Variants in EGLN1 observed in about 807,000 individuals in gnomAD.
EGLN1 encodes the protein egl nine homolog 1.
Under a neutral mutation model 38.3 loss-of-function variants are expected in EGLN1, and 17 were observed. The observed-to-expected ratio is 0.44, with a 90% CI of 0.30 to 0.67. EGLN1 has a LOEUF of 0.67. Among genes scored for constraint, EGLN1 ranks in the 30% least tolerant of loss-of-function variants. EGLN1 has a pLI of 0.08. For missense variants in EGLN1, 477 were observed against 603.3 expected, an observed-to-expected ratio of 0.79 and a Z score of 2.19; for synonymous variants, 283 against 257.5, an observed-to-expected ratio of 1.10 and a Z score of -0.95.
chr1:231,415,206 G>A (rs1689047628), intron 1 of EGLN1, among the ~76,000 whole-genome samples: 1 of 151,720 alleles, frequency 6.6e-6, no homozygotes, highest in Non-Finnish European at 1.5e-5. Context: ...CCAGGAGCTG[G>A]AGGCTGCAGT....
intron 4 of EGLN1, 137 bp from the exon 5 acceptor site, chr1:231,366,612 G>T: frequency 1.1e-6 from 1 of 893,370 alleles, no homozygotes; most frequent in South Asian, 1.5e-5. Flanking sequence ...TATCACGCTT[G>T]TACTTCCAAA....
chr1:231,378,446 T>C lies in EGLN1; in HGVS notation c.892-4347A>G, dbSNP rs148952661. The stretch of plus-strand genomic sequence containing the variant: ...TTTTTTCTTTTCTGATATGAAAATA[T>C]ATATGATTAAGGATGTTCTTTTTTA... On this transcript the variant is annotated intron_variant, in intron 1 of 4. Coordinates refer to ENST00000366641, the MANE Select transcript of EGLN1 (RefSeq NM_022051.3). Among the ~76,000 whole-genome samples the C allele has an allele frequency of 2.5e-3, 383 of 152,202 alleles. 3 individuals are homozygous for C. The highest frequency in any genetic ancestry group is 8.9e-3 in the African/African-American group (370 of 41,512).
rs75764505 is a variant in EGLN1 at position 231,418,275 on chromosome 1, T to A, written c.891+2723A>T. On this transcript the variant is annotated intron_variant, in intron 1 of 4. Transcript: ENST00000366641. ...CATTGTACAGTCACCTAATAAAAAG[T>A]TTTACACAGCCCAACCATAGAGTAT... Among the ~76,000 whole-genome samples the A allele has an allele frequency of 2.3e-3, 343 of 152,280 alleles. 2 individuals are homozygous for A. The East Asian group carries it at 0.027, about 12-fold the overall frequency.
At chr1:231,369,569 C>A (rs1687761645) in intron 3 of EGLN1, 18 of 985,364 alleles carry the variant, frequency 1.8e-5, no homozygotes, top group Non-Finnish European at 2.2e-5. Flanking sequence ...CTTACAATCT[C>A]CAGCTACAAC....
At chr1:231,391,090 TTTTGTGTGTGTG>T (rs1253132851) in intron 1 of EGLN1, among the ~76,000 whole-genome samples, 9 of 53,102 alleles carry the variant, frequency 1.7e-4, no homozygotes, top group African/African-American at 5.7e-4. Flanking sequence ...TCTGTTTTTT[TTTTGTGTGTGTG>T]TGTGTGTGTG....
intron 1 of EGLN1, among the ~76,000 whole-genome samples, chr1:231,419,231 C>T (rs1656471145): frequency 6.6e-6 from 1 of 152,162 alleles, no homozygotes; most frequent in African/African-American, 2.4e-5. Flanking sequence ...AACTAGAACT[C>T]TTGAGGAAGG....
rs1470328816 is a variant in EGLN1 at position 231,420,877 on chromosome 1, G to A, written c.891+121C>T. On this transcript the variant is annotated intron_variant, in intron 1 of 4. Transcript: ENST00000366641. ...GTCTTCCTTACGGGGAGCTACACAAGAAAGAGCGAGTCCCTTCTATATAGA... is the reference window on the plus strand; with the variant it reads ...GTCTTCCTTACGGGGAGCTACACAAAAAAGAGCGAGTCCCTTCTATATAGA... The A allele has an allele frequency of 4.4e-6, 7 of 1,592,938 alleles. No homozygotes were observed. The South Asian group carries it at 5.6e-5, about 13-fold the overall frequency.
At position 231,365,504 on chromosome 1, in the gene EGLN1, G is replaced by T. The variant is rs1352991669; in HGVS notation, c.*907C>A. ...CATACAAAAATTAGTCAGGCATGGT[G>T]GTGTGTGCCTGCAGTCCCAGCTAGT... is the stretch of plus-strand genomic sequence containing the variant. On this transcript the variant is annotated 3_prime_UTR_variant, in exon 5 of 5. Coordinates refer to ENST00000366641, the MANE Select transcript of EGLN1 (RefSeq NM_022051.3). 6.6e-6 allele frequency: 1 copy of T among 152,196 alleles called. No individual in the cohort carries two copies. Among genetic ancestry groups the T allele is most frequent in the African/African-American group, 2.4e-5 (1 of 41,432 alleles). The allele number at this position is 152,196 out of a possible 1,614,324, so 9.4% of individuals were successfully genotyped here. A position where few individuals can be genotyped will look rare whatever the true frequency, so the allele number is the denominator to read the frequency against.
chr1:231,394,442 A>ATG (rs1688468244), intron 1 of EGLN1, among the ~76,000 whole-genome samples: 1 of 147,760 alleles, frequency 6.8e-6, no homozygotes, highest in Non-Finnish European at 1.5e-5. Flanking sequence ...GCAGTGGCGC[A>ATG]ATCTCGGCTC....
chr1:231,394,712 G>A (rs1261542967), intron 1 of EGLN1, among the ~76,000 whole-genome samples: 2 of 151,902 alleles, frequency 1.3e-5, no homozygotes, highest in Non-Finnish European at 2.9e-5. Context: ...TTATTCACTA[G>A]ATGGAGATAT....
At chr1:231,419,590 T>C (rs1656498678) in intron 1 of EGLN1, among the ~76,000 whole-genome samples, 1 of 152,110 alleles carries the variant, frequency 6.6e-6, no homozygotes, top group Non-Finnish European at 1.5e-5. Context: ...AAAAATTTTA[T>C]CAATGAAAAT....
intron 1 of EGLN1, among the ~76,000 whole-genome samples, chr1:231,379,760 C>A (rs767848255): frequency 1.3e-5 from 2 of 152,222 alleles, no homozygotes; most frequent in African/African-American, 2.4e-5. Flanking sequence ...GGAGAACTTG[C>A]ATGCTCCACA....
chr1:231,411,136 AT>A (rs1688932122), intron 1 of EGLN1, among the ~76,000 whole-genome samples: 1 of 152,158 alleles, frequency 6.6e-6, no homozygotes, highest in Admixed American at 6.5e-5. Context: ...TTGAATTATA[AT>A]CCCCATTGTC....
chr1:231,384,718 G>T (rs999598570), intron 1 of EGLN1, among the ~76,000 whole-genome samples: 4 of 152,210 alleles, frequency 2.6e-5, no homozygotes, highest in Admixed American at 1.3e-4. Context: ...GGAAGGCACT[G>T]GGTAGTCTGG....
intron 1 of EGLN1, among the ~76,000 whole-genome samples, chr1:231,378,672 G>A (rs542536591): frequency 5.3e-5 from 8 of 152,298 alleles, no homozygotes; most frequent in South Asian, 2.1e-4. Flanking sequence ...GAAGAGGTCC[G>A]CAATGCCTCT....
intron 1 of EGLN1, among the ~76,000 whole-genome samples, chr1:231,409,639 T>C (rs2102935005): frequency 6.6e-6 from 1 of 152,286 alleles, no homozygotes; most frequent in South Asian, 2.1e-4. Flanking sequence ...CAGGTAGAAA[T>C]GTCTGTCAGT....
chr1:231,389,414 A>AT (rs560952302), intron 1 of EGLN1, among the ~76,000 whole-genome samples: 4,969 of 150,862 alleles, frequency 0.033, 274 homozygotes, highest in African/African-American at 0.11. Context: ...ATGAAAAAAA[A>AT]TTTTTTTTTA....
chr1:231,416,722 A>T (rs1035575144), intron 1 of EGLN1, among the ~76,000 whole-genome samples: 2 of 152,208 alleles, frequency 1.3e-5, no homozygotes, highest in Non-Finnish European at 2.9e-5. Flanking sequence ...GAGTTAGTTT[A>T]CATGTAAACT....
chr1:231,385,257 T>G (rs1437159353), intron 1 of EGLN1, among the ~76,000 whole-genome samples: 1 of 151,682 alleles, frequency 6.6e-6, no homozygotes, highest in Admixed American at 6.6e-5. Context: ...AGATCAGGAG[T>G]TCAGTTTTGA....
Sources: allele counts gnomAD v4.1 joint callset (sites outside exome capture counted in the v4.1 genomes callset), GRCh38; gene constraint gnomAD v4.1.1; transcripts MANE v1.5; gene names NCBI Gene and HGNC (gene_info 2026-07-23, HGNC 2026-07-21).